Variants in ACTR3C observed in about 807,000 individuals in gnomAD.
ACTR3C encodes actin-related protein 3C.
ACTR3C carries 18 observed loss-of-function variants against 26.3 expected under a neutral mutation model. The ratio of observed to expected loss-of-function variants is 0.68; its 90% CI spans 0.47 to 1.01. The LOEUF (loss-of-function observed/expected upper bound fraction) is 1.01, where lower values mean the gene tolerates loss of function less well. Ranked by LOEUF, ACTR3C falls within the 50% of genes least tolerant of loss-of-function variation. The pLI, the probability that ACTR3C is intolerant of heterozygous loss-of-function variation, is 0.00. For missense variants in ACTR3C, 184 were observed against 250.7 expected, an observed-to-expected ratio of 0.73 and a Z score of 1.80; for synonymous variants, 55 against 94.5, an observed-to-expected ratio of 0.58 and a Z score of 2.42.
chr7:150,116,390 G>T, the ACTR3C span, among the ~76,000 whole-genome samples: 3 of 152,106 alleles, frequency 2.0e-5, no homozygotes, highest in African/African-American at 7.3e-5. Flanking sequence ...TCTTCTTCGT[G>T]CCCCCTGATG....
rs1435836510 is a variant in ACTR3C, at chr7:150,274,732, G to A, written c.564+10021C>T. 6.6e-6 allele frequency among the ~76,000 whole-genome samples: 1 copy of A among 152,130 alleles called. No individual in the cohort carries two copies. The highest frequency in any genetic ancestry group is 1.5e-5 in the Non-Finnish European group (1 of 68,030). ...GAGACCCACGCAGCTTGGCCCTGAC[G>A]CCTATACTCTTAACCACGACAAACT... On this transcript the variant is annotated intron_variant, in intron 6 of 7. Coordinates refer to ENST00000683684, the MANE Select transcript of ACTR3C (RefSeq NM_001164458.2). This position sits in a 1 kb window ranked among gnomAD's most constrained non-coding sequence, Gnocchi z 4.1.
chr7:150,115,066 A>G, the ACTR3C span, among the ~76,000 whole-genome samples: 1 of 152,188 alleles, frequency 6.6e-6, no homozygotes, highest in Non-Finnish European at 1.5e-5. Flanking sequence ...TAGGAAATGT[A>G]GCTTATTTCC....
the ACTR3C span, among the ~76,000 whole-genome samples, chr7:150,185,799 T>C: frequency 1.3e-5 from 2 of 152,230 alleles, no homozygotes; most frequent in South Asian, 4.1e-4. Flanking sequence ...GTGTAAGTAG[T>C]GTGCCTGTTC....
At chr7:150,038,399 A>T in the ACTR3C span, among the ~76,000 whole-genome samples, 1 of 142,364 alleles carries the variant, frequency 7.0e-6, no homozygotes, top group Admixed American at 6.8e-5. Flanking sequence ...GTGGGCTGCC[A>T]GAAGATTTTC....
chr7:150,011,539 C>T, the ACTR3C span, among the ~76,000 whole-genome samples: 31 of 152,206 alleles, frequency 2.0e-4, no homozygotes, highest in Admixed American at 1.6e-3. Flanking sequence ...GAGCCAAGAT[C>T]GCGCCATTGC....
intron 6 of ACTR3C, among the ~76,000 whole-genome samples, chr7:150,276,495 G>C (rs192131186): frequency 2.6e-5 from 4 of 152,326 alleles, no homozygotes; most frequent in African/African-American, 9.6e-5. Context: ...TGAACCCAGA[G>C]ATTGCAATCC....
the ACTR3C span, among the ~76,000 whole-genome samples, chr7:150,228,898 AG>A: frequency 7.2e-6 from 1 of 138,312 alleles, no homozygotes; most frequent in African/African-American, 3.2e-5. Context: ...ATATATATAT[AG>A]AGAGAGTGTG....
chr7:150,205,380 A>T, the ACTR3C span, among the ~76,000 whole-genome samples: 213 of 152,334 alleles, frequency 1.4e-3, 1 homozygote, highest in African/African-American at 5.0e-3. Context: ...AAAGTAGCTC[A>T]AATAAAAACA....
chr7:150,004,470 G>A, the ACTR3C span: 1 of 152,134 alleles, frequency 6.6e-6, no homozygotes, highest in Non-Finnish European at 1.5e-5. Flanking sequence ...GACAACCATT[G>A]TAATAATACT....
the ACTR3C span, among the ~76,000 whole-genome samples, chr7:150,166,659 G>A: frequency 5.3e-5 from 8 of 149,914 alleles, no homozygotes; most frequent in East Asian, 1.9e-4. Context: ...AGATGGTGCC[G>A]CTACACTCCA....
At chr7:150,037,585 A>G in the ACTR3C span, among the ~76,000 whole-genome samples, 1 of 67,512 alleles carries the variant, frequency 1.5e-5, no homozygotes, top group South Asian at 4.8e-4. Context: ...GGGGGGGAAG[A>G]GGGACTGGCT....
chr7:150,089,335 G>A, the ACTR3C span, among the ~76,000 whole-genome samples: 1 of 152,186 alleles, frequency 6.6e-6, no homozygotes, highest in South Asian at 2.1e-4. Context: ...CCAGCTGAAA[G>A]GACAGATTCT....
the ACTR3C span, among the ~76,000 whole-genome samples, chr7:149,927,669 G>C: frequency 1.7e-3 from 262 of 151,422 alleles, 1 homozygote; most frequent in African/African-American, 6.1e-3. Flanking sequence ...CGGAGGTTGT[G>C]GTGAGCCAAG....
chr7:149,914,981 G>C, the ACTR3C span, among the ~76,000 whole-genome samples: 5 of 151,606 alleles, frequency 3.3e-5, no homozygotes, highest in African/African-American at 1.2e-4. Flanking sequence ...CCATGTTTGA[G>C]CGATTCTTCT....
chr7:150,070,447 T>C, the ACTR3C span, among the ~76,000 whole-genome samples: 1 of 152,230 alleles, frequency 6.6e-6, no homozygotes, highest in Admixed American at 6.5e-5. Flanking sequence ...GGGGCCAAAA[T>C]TGCTACTTAT....
At chr7:150,023,147 A>G in the ACTR3C span, among the ~76,000 whole-genome samples, 2 of 71,412 alleles carry the variant, frequency 2.8e-5, no homozygotes, top group South Asian at 1.0e-3. Context: ...ATATATAGAT[A>G]TCTATATAGA....
At chr7:150,110,877 G>A in the ACTR3C span, among the ~76,000 whole-genome samples, 1 of 102,750 alleles carries the variant, frequency 9.7e-6, no homozygotes, top group African/African-American at 5.1e-5. Context: ...GGCTTGCTGG[G>A]GGCGGGGCTG....
At chr7:150,111,551 C>T in the ACTR3C span, among the ~76,000 whole-genome samples, 2 of 88,870 alleles carry the variant, frequency 2.3e-5, no homozygotes, top group African/African-American at 5.5e-5. Context: ...CACTTTCTCA[C>T]TCGCCCACTC....
chr7:149,944,892 G>T, the ACTR3C span, among the ~76,000 whole-genome samples: 10 of 151,782 alleles, frequency 6.6e-5, no homozygotes, highest in African/African-American at 2.4e-4. Context: ...AAAGAACAGG[G>T]TATAGAGAGG....
Sources: gnomAD v4.1 joint callset for allele counts (sites outside exome capture counted in the v4.1 genomes callset) on GRCh38, gnomAD v4.1.1 for gene constraint, Gnocchi (gnomAD v3.1) non-coding constraint, MANE v1.5 for transcripts, NCBI Gene and HGNC (gene_info 2026-07-23, HGNC 2026-07-21) for gene names.